MAPKAP1: variants seen among roughly 807,000 people sequenced by gnomAD.
MAPKAP1 encodes the protein MAPK associated protein 1.
In MAPKAP1, 20 loss-of-function variants were observed where a neutral mutation model predicts 65.7. The ratio of observed to expected loss-of-function variants is 0.30; its 90% CI spans 0.21 to 0.44. The LOEUF is 0.44. Among genes scored for constraint, MAPKAP1 ranks in the 20% least tolerant of loss-of-function variants. The pLI is 1.00. For missense variants in MAPKAP1, 423 were observed against 648.0 expected, an observed-to-expected ratio of 0.65 and a Z score of 3.77; for synonymous variants, 222 against 244.3, an observed-to-expected ratio of 0.91 and a Z score of 0.85.
At chr9:125,654,529 C>T (rs1288970535) in intron 4 of MAPKAP1, among the ~76,000 whole-genome samples, 1 of 152,100 alleles carries the variant, frequency 6.6e-6, no homozygotes, top group East Asian at 1.9e-4. Context: ...TAAACCTGAC[C>T]CCAAAAATTG....
intron 1 of MAPKAP1, among the ~76,000 whole-genome samples, chr9:125,680,791 C>T (rs1834799233): frequency 6.6e-6 from 1 of 152,154 alleles, no homozygotes; most frequent in African/African-American, 2.4e-5. Context: ...GTGTCATATA[C>T]ATAGGGAACA....
At chr9:125,622,532 GC>G (rs1367685083) in intron 4 of MAPKAP1, among the ~76,000 whole-genome samples, 2 of 149,556 alleles carry the variant, frequency 1.3e-5, no homozygotes, top group Admixed American at 6.7e-5. Flanking sequence ...TGCAACCTCT[GC>G]CCCCCGGATT....
At chr9:125,556,401 G>A (rs371529202) in intron 6 of MAPKAP1, among the ~76,000 whole-genome samples, 2 of 152,292 alleles carry the variant, frequency 1.3e-5, no homozygotes, top group African/African-American at 4.8e-5. Flanking sequence ...TTCAGCAGAG[G>A]GTTGGAAAGG....
intron 4 of MAPKAP1, among the ~76,000 whole-genome samples, chr9:125,623,774 G>A (rs1354735300): frequency 1.8e-4 from 9 of 50,816 alleles, no homozygotes; most frequent in African/African-American, 4.0e-4. Flanking sequence ...CAGCCCCCCC[G>A]CCCGGCCAGC....
At chr9:125,702,151 A>G (rs1835617336) in intron 1 of MAPKAP1, among the ~76,000 whole-genome samples, 1 of 151,990 alleles carries the variant, frequency 6.6e-6, no homozygotes. Flanking sequence ...AATCCCAACA[A>G]TTTGGGAGGC....
At chr9:125,468,267 A>AT (rs1374850219) in intron 9 of MAPKAP1, among the ~76,000 whole-genome samples, 158 bp from the exon 10 acceptor site, 1 of 152,208 alleles carries the variant, frequency 6.6e-6, no homozygotes, top group Non-Finnish European at 1.5e-5. Flanking sequence ...TGAGACAAAC[A>AT]TAAGGACACT....
At chr9:125,591,691 G>C (rs1831969750) in intron 4 of MAPKAP1, among the ~76,000 whole-genome samples, 1 of 152,132 alleles carries the variant, frequency 6.6e-6, no homozygotes, top group African/African-American at 2.4e-5. Flanking sequence ...TTCTGAAAAA[G>C]CTCAAGGTGG....
chr9:125,627,277 C>T (rs2131676144), intron 4 of MAPKAP1, among the ~76,000 whole-genome samples: 1 of 152,340 alleles, frequency 6.6e-6, no homozygotes, highest in Non-Finnish European at 1.5e-5. Context: ...ACACACCCTC[C>T]CCACTGCCAT....
intron 8 of MAPKAP1, among the ~76,000 whole-genome samples, chr9:125,490,731 G>C (rs1238667881): frequency 1.3e-5 from 2 of 152,208 alleles, no homozygotes; most frequent in Non-Finnish European, 2.9e-5. Context: ...CCAAAGCAAT[G>C]TATTGCAGCG....
chr9:125,570,459 G>A (rs1326040405), intron 5 of MAPKAP1, among the ~76,000 whole-genome samples: 1 of 152,236 alleles, frequency 6.6e-6, no homozygotes, highest in African/African-American at 2.4e-5. Flanking sequence ...AGCTATGCTG[G>A]AGAGTCAGAC....
Position 125,554,417 on chromosome 9 carries a change from G to A in MAPKAP1, c.848+5216C>T, listed in dbSNP as rs138329207. Among the ~76,000 whole-genome samples, 126 of 152,286 alleles carry A rather than the reference G, an allele frequency of 8.3e-4. 1 individual carries two copies. Among genetic ancestry groups the A allele is most frequent in the African/African-American group, 2.9e-3 (119 of 41,566 alleles). On this transcript the variant is annotated intron_variant, in intron 6 of 11. Transcript: ENST00000265960. ...CATCAGGGAGTGCTCATAGATTCAG[G>A]ACTTTCAGTTTTGAAACAGGGAGAG...
At chr9:125,526,114 A>G (rs1400472739) in intron 7 of MAPKAP1, among the ~76,000 whole-genome samples, 1 of 152,210 alleles carries the variant, frequency 6.6e-6, no homozygotes, top group African/African-American at 2.4e-5. Context: ...AGGCCCTTAC[A>G]GACCTTATGT....
intron 10 of MAPKAP1, among the ~76,000 whole-genome samples, chr9:125,450,379 T>C (rs1292246190): frequency 6.6e-6 from 1 of 152,246 alleles, no homozygotes; most frequent in Non-Finnish European, 1.5e-5. Context: ...TCACGGTCTC[T>C]TTCCTAACCA....
intron 4 of MAPKAP1, among the ~76,000 whole-genome samples, chr9:125,602,552 A>G (rs148059196): frequency 1.3e-5 from 2 of 152,304 alleles, no homozygotes; most frequent in African/African-American, 2.4e-5. Flanking sequence ...AAAGCAACAC[A>G]AAGTAAAAGT....
intron 4 of MAPKAP1, among the ~76,000 whole-genome samples, chr9:125,592,681 G>T (rs1028373012): frequency 2.0e-5 from 3 of 152,106 alleles, no homozygotes; most frequent in African/African-American, 7.2e-5. Context: ...GAGGCGGGCA[G>T]ATCACGAGGT....
chr9:125,527,384 A>G (rs1829804482), intron 7 of MAPKAP1, among the ~76,000 whole-genome samples: 1 of 152,130 alleles, frequency 6.6e-6, no homozygotes. Flanking sequence ...TATAGTTTTA[A>G]GAGTAAATAA....
At chr9:125,577,403 C>T (rs1484848256) in intron 5 of MAPKAP1, among the ~76,000 whole-genome samples, 24 of 148,852 alleles carry the variant, frequency 1.6e-4, no homozygotes, top group African/African-American at 3.7e-4. Flanking sequence ...GTCAGCCCCC[C>T]GCCTGGCCAG....
intron 5 of MAPKAP1, among the ~76,000 whole-genome samples, chr9:125,572,118 C>CACA (rs1264041998): frequency 6.6e-6 from 1 of 152,162 alleles, no homozygotes; most frequent in Admixed American, 6.5e-5. Flanking sequence ...TATAACAGAA[C>CACA]ACAACTGAAG....
chr9:125,621,790 A>AT (rs1198229658), intron 4 of MAPKAP1, among the ~76,000 whole-genome samples: 54 of 152,370 alleles, frequency 3.5e-4, no homozygotes, highest in African/African-American at 1.3e-3. Context: ...TAAGGCTACT[A>AT]TTTAATAATT....
Sources: allele counts gnomAD v4.1 joint callset (sites outside exome capture counted in the v4.1 genomes callset), GRCh38; gene constraint gnomAD v4.1.1; transcripts MANE v1.5; gene names NCBI Gene and HGNC (gene_info 2026-07-23, HGNC 2026-07-21).